Variants in CYP39A1 observed in about 807,000 individuals in gnomAD.
The protein encoded by CYP39A1 is 24-hydroxycholesterol 7-alpha-hydroxylase.
A neutral mutation model predicts 58.1 loss-of-function variants in CYP39A1; 49 were observed. The ratio of observed to expected loss-of-function variants is 0.84; its 90% CI spans 0.67 to 1.07. The LOEUF is 1.07. Ranked by LOEUF, CYP39A1 falls within the 50% of genes least tolerant of loss-of-function variation. The pLI is 0.00. For synonymous variants in CYP39A1, 209 were observed against 187.6 expected (o/e 1.11, Z -0.93); for missense variants, 531 against 539.4 (o/e 0.98, Z 0.16).
intron 1 of CYP39A1, among the ~76,000 whole-genome samples, chr6:46,643,706 A>G (rs1002166538): frequency 1.3e-5 from 2 of 152,266 alleles, no homozygotes; most frequent in African/African-American, 4.8e-5. Flanking sequence ...TGAGGCATTT[A>G]AAGTAACTGC....
chr6:46,638,008 G>A, intron 3 of CYP39A1, 30 bp from the exon 4 acceptor site: 1 of 1,571,926 alleles, frequency 6.4e-7, no homozygotes, highest in Non-Finnish European at 8.6e-7. Context: ...CAAAAAGTCA[G>A]ACCCGAAGAC....
intron 6 of CYP39A1, among the ~76,000 whole-genome samples, chr6:46,626,951 G>A (rs1775349431): frequency 6.6e-6 from 1 of 152,128 alleles, no homozygotes. Context: ...AATTCCCTGA[G>A]ACTGGGTAAT....
At position 46,550,194 on chromosome 6, in the gene CYP39A1, C is replaced by T. The variant is rs1270933807; in HGVS notation, c.*172G>A. ...ATATTACTGAGAGTGATGTTAGATT[C>T]TTGGTCTACTGTTGAAGATACCAAA... On this transcript the variant is annotated 3_prime_UTR_variant, in exon 12 of 12. Coordinates refer to ENST00000275016, the MANE Select transcript of CYP39A1 (RefSeq NM_016593.5). 3 of 458,294 alleles carry T rather than the reference C, an allele frequency of 6.5e-6. No homozygotes were observed. Among genetic ancestry groups the T allele is most frequent in the South Asian group, 1.1e-4 (2 of 18,272 alleles). The allele number at this position is 458,294 out of a possible 1,614,324, so 28.4% of individuals were successfully genotyped here. A position where few individuals can be genotyped will look rare whatever the true frequency, so the allele number is the denominator to read the frequency against.
rs188743720 is a variant in CYP39A1, at chr6:46,603,446, C to T, written c.932-7326G>A. 1.3e-3 allele frequency among the ~76,000 whole-genome samples: 193 copies of T among 152,286 alleles called. 2 individuals are homozygous for T. Among genetic ancestry groups the T allele is most frequent in the Non-Finnish European group, 1.6e-3 (112 of 68,018 alleles). On this transcript the variant is annotated intron_variant, in intron 7 of 11. Coordinates refer to ENST00000275016, the MANE Select transcript of CYP39A1 (RefSeq NM_016593.5). ...ATGTAAAATGTGGATTCAGTGAACA[C>T]TGATCAAAGACCCAAAAGAATGCAA... is the stretch of plus-strand genomic sequence containing the variant.
At chr6:46,567,318 G>A (rs985657963) in intron 10 of CYP39A1, among the ~76,000 whole-genome samples, 1 of 150,468 alleles carries the variant, frequency 6.6e-6, no homozygotes, top group South Asian at 2.1e-4. Context: ...ATTTCCTTTT[G>A]TAAGGCTGAA....
chr6:46,567,355 T>A (rs72868061), intron 10 of CYP39A1, among the ~76,000 whole-genome samples: 225 of 152,200 alleles, frequency 1.5e-3, no homozygotes, highest in Admixed American at 4.8e-3. Flanking sequence ...TATATATAAC[T>A]TTTTTATCCA....
At chr6:46,567,998 A>T (rs548348431) in intron 10 of CYP39A1, among the ~76,000 whole-genome samples, 1,009 of 44,918 alleles carry the variant, frequency 0.022, 3 homozygotes, top group African/African-American at 0.21. Context: ...TTTTTTTTTA[A>T]AAAAAAAACA....
At chr6:46,581,278 G>T (rs1465914976) in intron 10 of CYP39A1, among the ~76,000 whole-genome samples, 2 of 152,052 alleles carry the variant, frequency 1.3e-5, no homozygotes, top group African/African-American at 4.8e-5. Context: ...GGGCACTATG[G>T]CATGTGCCTG....
At chr6:46,635,506 G>T (rs1775929040) in intron 5 of CYP39A1, among the ~76,000 whole-genome samples, 1 of 152,148 alleles carries the variant, frequency 6.6e-6, no homozygotes, top group Non-Finnish European at 1.5e-5. Flanking sequence ...CTGAACCAAA[G>T]GTAAGGCTTG....
At chr6:46,562,552 G>A (rs1374695281) in intron 10 of CYP39A1, among the ~76,000 whole-genome samples, 2 of 151,816 alleles carry the variant, frequency 1.3e-5, no homozygotes, top group Non-Finnish European at 2.9e-5. Context: ...TGGATCACTT[G>A]AGCTCAGGAG....
intron 7 of CYP39A1, among the ~76,000 whole-genome samples, chr6:46,596,378 C>T (rs1438951546): frequency 6.6e-6 from 1 of 152,054 alleles, no homozygotes; most frequent in Non-Finnish European, 1.5e-5. Context: ...AACTTAGGTT[C>T]CCACAGTCTT....
intron 10 of CYP39A1, among the ~76,000 whole-genome samples, chr6:46,559,114 T>G (rs1262151023): frequency 6.6e-6 from 1 of 152,022 alleles, no homozygotes; most frequent in Admixed American, 6.5e-5. Flanking sequence ...AATTAATATT[T>G]GGGCAGGTCT....
At chr6:46,558,377 A>T (rs1019659554) in intron 10 of CYP39A1, among the ~76,000 whole-genome samples, 1 of 152,296 alleles carries the variant, frequency 6.6e-6, no homozygotes, top group Non-Finnish European at 1.5e-5. Context: ...CCTTCTTCAC[A>T]TGGTGGCCGG....
At chr6:46,561,934 G>T (rs150572106) in intron 10 of CYP39A1, among the ~76,000 whole-genome samples, 2 of 152,316 alleles carry the variant, frequency 1.3e-5, no homozygotes, top group East Asian at 3.9e-4. Context: ...ACACATTTCA[G>T]TTAGACAGGA....
At position 46,607,563 on chromosome 6, in the gene CYP39A1, T is replaced by G. The variant is rs113306284; in HGVS notation, c.932-11443A>C. ...TTGTTTCTACAGCTTTGAAGTAATA[T>G]TCATTAAAAATTTAACTAATAACTT... On this transcript the variant is annotated intron_variant, in intron 7 of 11. Coordinates refer to ENST00000275016, the MANE Select transcript of CYP39A1 (RefSeq NM_016593.5). Among the ~76,000 whole-genome samples, 956 of 152,094 alleles carry G rather than the reference T, an allele frequency of 6.3e-3. 11 individuals are homozygous for G. Among genetic ancestry groups the G allele is most frequent in the African/African-American group, 0.022 (892 of 41,476 alleles).
chr6:46,570,201 C>A (rs1771507164), intron 10 of CYP39A1, among the ~76,000 whole-genome samples: 1 of 152,092 alleles, frequency 6.6e-6, no homozygotes, highest in African/African-American at 2.4e-5. Flanking sequence ...TCCTTCACTT[C>A]TGATTTATTT....
rs566959263 is a variant in CYP39A1, at chr6:46,597,817, TAACACCTCAACAATGA to T, written c.932-1713_932-1698del. Among the ~76,000 whole-genome samples the T allele has an allele frequency of 5.3e-5, 8 of 152,232 alleles. No individual in the cohort carries two copies. The South Asian group carries it at 1.7e-3, about 32-fold the overall frequency. On this transcript the variant is annotated intron_variant, in intron 7 of 11. Transcript: ENST00000275016. ...TTCCTGTCTTAGGCTGAGGGAGTGTTAACACCTCAACAATGAAACAGTGATATACAGCACTATTCTG... is the reference window on the plus strand; with the variant it reads ...TTCCTGTCTTAGGCTGAGGGAGTGTTAACAGTGATATACAGCACTATTCTG...
chr6:46,633,560 T>C (rs1003913408), intron 5 of CYP39A1, among the ~76,000 whole-genome samples: 1 of 152,228 alleles, frequency 6.6e-6, no homozygotes, highest in Admixed American at 6.5e-5. Context: ...TTAATATTAA[T>C]ATAAAAACAT....
At chr6:46,559,116 G>A (rs2150481461) in intron 10 of CYP39A1, among the ~76,000 whole-genome samples, 1 of 152,190 alleles carries the variant, frequency 6.6e-6, no homozygotes, top group Admixed American at 6.5e-5. Context: ...TTAATATTTG[G>A]GCAGGTCTTA....
Sources: allele counts gnomAD v4.1 joint callset (sites outside exome capture counted in the v4.1 genomes callset), GRCh38; gene constraint gnomAD v4.1.1; transcripts MANE v1.5; gene names NCBI Gene and HGNC (gene_info 2026-07-23, HGNC 2026-07-21).